Variants in TBC1D21 observed in about 807,000 individuals in gnomAD.
The protein encoded by TBC1D21 is TBC1 domain family member 21, also known as male germ cell Rab GTPase-activating protein.
TBC1D21 carries 38 observed loss-of-function variants against 46.0 expected under a neutral mutation model. That is an observed-to-expected ratio of 0.83 (90% CI 0.64 to 1.08). TBC1D21 has a LOEUF of 1.08. Ranked by LOEUF, TBC1D21 falls within the 50% of genes least tolerant of loss-of-function variation. The pLI, the probability that TBC1D21 is intolerant of heterozygous loss-of-function variation, is 0.00. For synonymous variants in TBC1D21, 151 were observed against 157.2 expected, an observed-to-expected ratio of 0.96 and a Z score of 0.29; for missense variants, 415 against 417.9, an observed-to-expected ratio of 0.99 and a Z score of 0.06.
chr15:73,886,374 G>T, intron 7 of TBC1D21, 138 bp from the exon 8 acceptor site: 1 of 893,336 alleles, frequency 1.1e-6, no homozygotes, highest in South Asian at 1.5e-5. Flanking sequence ...CCATCTCCCA[G>T]GGCAGCTGGA....
chr15:73,888,393 C>G (rs2068288642), intron 9 of TBC1D21, 37 bp from the exon 10 acceptor site: 3 of 1,583,144 alleles, frequency 1.9e-6, no homozygotes, highest in Non-Finnish European at 2.6e-6. Flanking sequence ...ATGTTTGCCC[C>G]AGCCCCACCC....
the TBC1D21 span, among the ~76,000 whole-genome samples, chr15:73,895,953 G>T: frequency 6.6e-6 from 1 of 152,334 alleles, no homozygotes; most frequent in East Asian, 1.9e-4. Context: ...GGAGAGTAGT[G>T]GTGATAGGGA....
At chr15:73,893,651 C>G (rs920305530), downstream of TBC1D21, among the ~76,000 whole-genome samples, 1 of 152,180 alleles carries the variant, frequency 6.6e-6, no homozygotes, top group Non-Finnish European at 1.5e-5. Flanking sequence ...TCTCTGGGCC[C>G]CAGGGTCTGT....
rs147625315 is a variant in TBC1D21 at position 73,883,367 on chromosome 15, G to A, written c.273-784G>A. 1.8e-4 allele frequency among the ~76,000 whole-genome samples: 28 copies of A among 152,310 alleles called. No homozygotes were observed. In the East Asian group the frequency reaches 5.0e-3, roughly 27 times the overall value. ...TCCGACAACAGAAACCTGTCTTCTC[G>A]CAGTTCTGGAGCCAGAAGCCCAAAA... On this transcript the variant is annotated intron_variant, in intron 3 of 10. Transcript: ENST00000300504.
downstream of TBC1D21, among the ~76,000 whole-genome samples, chr15:73,893,222 G>T (rs1483822149): frequency 6.6e-6 from 1 of 152,140 alleles, no homozygotes; most frequent in Admixed American, 6.5e-5. Context: ...TATTGATGAT[G>T]GTGTTGGTGG....
At chr15:73,908,722 C>T in the TBC1D21 span, among the ~76,000 whole-genome samples, 1 of 152,256 alleles carries the variant, frequency 6.6e-6, no homozygotes. Context: ...CCCAGGTGCT[C>T]ATGATGACTG....
chr15:73,905,348 T>G, the TBC1D21 span, among the ~76,000 whole-genome samples: 1 of 152,232 alleles, frequency 6.6e-6, no homozygotes, highest in Non-Finnish European at 1.5e-5. Flanking sequence ...TGATTGTTTC[T>G]GAAATTCCCT....
intron 1 of TBC1D21, among the ~76,000 whole-genome samples, chr15:73,876,199 GTTTTTTTTTTTTTTT>G (rs539517539): frequency 4.6e-4 from 13 of 28,308 alleles, no homozygotes; most frequent in Admixed American, 1.2e-3. Flanking sequence ...TTTTTTGTGG[GTTTTTTTTTTTTTTT>G]TTTTTTTTTT....
intron 10 of TBC1D21, 139 bp from the exon 11 acceptor site, chr15:73,888,930 G>T: frequency 1.0e-6 from 1 of 970,736 alleles, no homozygotes. Context: ...TGAGAGCAGG[G>T]CCCTCATCCC....
intron 6 of TBC1D21, 103 bp from the exon 7 acceptor site, chr15:73,885,973 CAG>C (rs1410058531): frequency 5.8e-6 from 5 of 867,846 alleles, no homozygotes; most frequent in South Asian, 4.6e-5. Context: ...AGCGCACAGA[CAG>C]ACACACAGAG....
chr15:73,881,671 G>C lies in TBC1D21; in HGVS notation c.196G>C (p.Ala66Pro). ...TCTGCACCCCTTCGTGAGGACTGAA[G>C]CCTGGAAATTCCTCACGGGCTACTT... ...RGLHPFVRTE[A>P]WKFLTGYFSW... Residue 66 changes from alanine (A) to proline (P), a missense_variant, in exon 3 of 11, where the codon GCC becomes CCC. Transcript: ENST00000300504. 1.2e-6 allele frequency: 2 copies of C among 1,613,010 alleles called. No individual in the cohort carries two copies. The highest frequency in any genetic ancestry group is 1.7e-6 in the Non-Finnish European group (2 of 1,179,500).
chr15:73,882,877 C>T (rs1429103526), intron 3 of TBC1D21, among the ~76,000 whole-genome samples: 2 of 152,242 alleles, frequency 1.3e-5, no homozygotes, highest in African/African-American at 2.4e-5. Flanking sequence ...TGACCCTGGG[C>T]ACTTGGTCCC....
At chr15:73,875,700 C>T (rs1054728329) in intron 1 of TBC1D21, among the ~76,000 whole-genome samples, 6 of 152,130 alleles carry the variant, frequency 3.9e-5, no homozygotes, top group Non-Finnish European at 8.8e-5. Context: ...GGGAGATTTC[C>T]ATAGCTGCTC....
At position 73,873,610 on chromosome 15, in the gene TBC1D21, A is replaced by T; in HGVS notation, c.-100A>T. On this transcript the variant is annotated 5_prime_UTR_variant, in exon 1 of 11. Transcript: ENST00000300504. Reference sequence around the variant, plus strand: ...CAAGTGTGGGAGGTCAGGAGCAGCCAGTTCCTCCTGGGAATGCAACCCATC... The same window carrying T: ...CAAGTGTGGGAGGTCAGGAGCAGCCTGTTCCTCCTGGGAATGCAACCCATC... The T allele has an allele frequency of 7.5e-7, 1 of 1,325,524 alleles. No homozygotes were observed. The highest frequency in any genetic ancestry group is 1.1e-6 in the Non-Finnish European group (1 of 947,426). The allele number at this position is 1,325,524 out of a possible 1,614,324, so 82.1% of individuals were successfully genotyped here.
At chr15:73,903,783 C>T in the TBC1D21 span, among the ~76,000 whole-genome samples, 4 of 152,166 alleles carry the variant, frequency 2.6e-5, no homozygotes, top group African/African-American at 4.8e-5. Flanking sequence ...GGGCTGGGCA[C>T]GGTGGCTCTT....
chr15:73,899,234 C>G, the TBC1D21 span, among the ~76,000 whole-genome samples: 1 of 152,138 alleles, frequency 6.6e-6, no homozygotes, highest in African/African-American at 2.4e-5. Flanking sequence ...CCTTGAGAAC[C>G]TCCTGGGAAG....
Position 73,873,602 on chromosome 15 carries a change from G to A in TBC1D21, c.-108G>A. On this transcript the variant is annotated 5_prime_UTR_variant, in exon 1 of 11. Transcript: ENST00000300504. ...GCTCTGTTCAAGTGTGGGAGGTCAG[G>A]AGCAGCCAGTTCCTCCTGGGAATGC... 8.0e-7 allele frequency: 1 copy of A among 1,243,440 alleles called. No homozygotes were observed. 77.0% of individuals were successfully genotyped at this position (1,243,440 alleles called of 1,614,324 possible).
intron 6 of TBC1D21, among the ~76,000 whole-genome samples, chr15:73,885,400 A>G (rs1017409572): frequency 6.6e-6 from 1 of 152,118 alleles, no homozygotes; most frequent in African/African-American, 2.4e-5. Context: ...TTTCTTCCCC[A>G]AGCACGGTTC....
the TBC1D21 span, among the ~76,000 whole-genome samples, chr15:73,894,994 A>G: frequency 0.012 from 1,809 of 152,322 alleles, 18 homozygotes; most frequent in Middle Eastern, 0.031. Flanking sequence ...GGTGGCAGGC[A>G]CGGGAGGGCG....
Sources: allele counts gnomAD v4.1 joint callset (sites outside exome capture counted in the v4.1 genomes callset), GRCh38; gene constraint gnomAD v4.1.1; transcripts MANE v1.5; gene names NCBI Gene and HGNC (gene_info 2026-07-23, HGNC 2026-07-21).